The following STPG2 variants were observed in gnomAD, a reference collection of about 807,000 sequenced individuals.
STPG2 encodes sperm-tail PG-rich repeat-containing protein 2.
A neutral mutation model predicts 54.2 loss-of-function variants in STPG2; 56 were observed. That is an observed-to-expected ratio of 1.03 (90% CI 0.83 to 1.29). The LOEUF (loss-of-function observed/expected upper bound fraction) is 1.29, where lower values mean the gene tolerates loss of function less well. Among genes scored for constraint, STPG2 ranks in the 50% most tolerant of loss-of-function variants. STPG2 has a pLI of 0.00. For synonymous variants in STPG2, 200 were observed against 181.8 expected (o/e 1.10, Z -0.81); for missense variants, 596 against 544.9 (o/e 1.09, Z -0.93).
chr4:97,678,701 T>C (rs562806841), intron 10 of STPG2, among the ~76,000 whole-genome samples: 10 of 152,118 alleles, frequency 6.6e-5, no homozygotes, highest in Admixed American at 2.0e-4. Context: ...TGTATACATG[T>C]GCCATGCTGG....
intron 10 of STPG2, among the ~76,000 whole-genome samples, chr4:97,620,743 G>C (rs1367517613): frequency 6.6e-6 from 1 of 152,066 alleles, no homozygotes; most frequent in Non-Finnish European, 1.5e-5. Context: ...CATCAAGGCA[G>C]AAAATTACCA....
rs117605010 is a variant in STPG2, at chr4:97,975,650, C to G, written c.773-3210G>C. ...TATCCATCAGACTCAATATGATATA[C>G]TTAAAGAACACTTAACTTGGTTGTA... is the stretch of plus-strand genomic sequence containing the variant. On this transcript the variant is annotated intron_variant, in intron 6 of 10. Transcript: ENST00000295268. Among the ~76,000 whole-genome samples, 26 of 152,222 alleles carry G rather than the reference C, an allele frequency of 1.7e-4. No individual in the cohort carries two copies. The East Asian group carries it at 5.0e-3, about 29-fold the overall frequency.
intron 4 of STPG2, among the ~76,000 whole-genome samples, chr4:97,456,457 A>T (rs1020301733): frequency 6.6e-6 from 1 of 152,190 alleles, no homozygotes; most frequent in Admixed American, 6.5e-5. Flanking sequence ...CCTCCCACCA[A>T]GCACCAAGCA....
intron 8 of STPG2, among the ~76,000 whole-genome samples, chr4:97,924,270 G>C (rs1019003594): frequency 6.6e-6 from 1 of 152,196 alleles, no homozygotes; most frequent in Non-Finnish European, 1.5e-5. Context: ...CTTGAAGTCA[G>C]TGAGACCAAG....
chr4:98,119,068 G>C (rs1426119229), intron 3 of STPG2, among the ~76,000 whole-genome samples: 1 of 152,130 alleles, frequency 6.6e-6, no homozygotes, highest in African/African-American at 2.4e-5. Flanking sequence ...ATCATCAATA[G>C]ATGTTAAAAC....
chr4:97,676,832 A>G (rs1722866277), intron 10 of STPG2, among the ~76,000 whole-genome samples: 1 of 152,178 alleles, frequency 6.6e-6, no homozygotes. Flanking sequence ...CACTGCCACA[A>G]GGTTCTTGAA....
At chr4:98,084,992 A>ATAC (rs887330999) in intron 5 of STPG2, among the ~76,000 whole-genome samples, 1 of 152,020 alleles carries the variant, frequency 6.6e-6, no homozygotes, top group Non-Finnish European at 1.5e-5. Flanking sequence ...TTTATGGTTC[A>ATAC]TACTTTTTGT....
At chr4:97,634,067 A>G (rs1174995349) in intron 10 of STPG2, among the ~76,000 whole-genome samples, 3 of 152,200 alleles carry the variant, frequency 2.0e-5, no homozygotes, top group African/African-American at 7.2e-5. Flanking sequence ...AGACCGCAGT[A>G]ACCTCTGCAG....
chr4:97,782,690 C>T (rs1726686005), intron 9 of STPG2, among the ~76,000 whole-genome samples: 1 of 152,172 alleles, frequency 6.6e-6, no homozygotes, highest in East Asian at 1.9e-4. Flanking sequence ...TACTACAAGC[C>T]TCCAGTAACC....
rs1313574261 is a variant in STPG2 at position 98,064,244 on chromosome 4, T to C, written c.612+41709A>G. Among the ~76,000 whole-genome samples, 9 of 152,200 alleles carry C rather than the reference T, an allele frequency of 5.9e-5. No individual in the cohort carries two copies. In the South Asian group the frequency reaches 1.0e-3, roughly 17 times the overall value. ...AATTTTGCCACGAAGCTCTCTGAAATGTTCATGAAGTTACCTAATTTATTT... is the reference window on the plus strand; with the variant it reads ...AATTTTGCCACGAAGCTCTCTGAAACGTTCATGAAGTTACCTAATTTATTT... On this transcript the variant is annotated intron_variant, in intron 5 of 10. Coordinates refer to ENST00000295268, the MANE Select transcript of STPG2 (RefSeq NM_174952.3).
chr4:97,650,585 T>C (rs910443831), intron 10 of STPG2, among the ~76,000 whole-genome samples: 1 of 152,018 alleles, frequency 6.6e-6, no homozygotes, highest in African/African-American at 2.4e-5. Flanking sequence ...AAAAAGGAAA[T>C]GTTCAGGCTG....
chr4:97,889,487 A>C (rs1730689598), intron 8 of STPG2, among the ~76,000 whole-genome samples: 1 of 152,234 alleles, frequency 6.6e-6, no homozygotes, highest in Non-Finnish European at 1.5e-5. Flanking sequence ...CTATTCAGCC[A>C]TAAAAAGTAA....
chr4:98,096,271 C>A (rs189310172), intron 5 of STPG2, among the ~76,000 whole-genome samples: 240 of 152,176 alleles, frequency 1.6e-3, no homozygotes, highest in African/African-American at 5.7e-3. Flanking sequence ...GCAGCATATA[C>A]CTGTAGTCCC....
At chr4:97,607,197 A>AGCT (rs1429596247) in intron 10 of STPG2, among the ~76,000 whole-genome samples, 27 of 152,088 alleles carry the variant, frequency 1.8e-4, no homozygotes, top group Admixed American at 4.6e-4. Flanking sequence ...TGGTAAAATC[A>AGCT]GCTGCTGCTG....
At chr4:97,688,054 A>T (rs1253551224) in intron 10 of STPG2, among the ~76,000 whole-genome samples, 1 of 152,094 alleles carries the variant, frequency 6.6e-6, no homozygotes, top group Non-Finnish European at 1.5e-5. Flanking sequence ...TTATTCAAAC[A>T]CTAGGATATA....
At chr4:97,884,827 C>A (rs2149168472) in intron 8 of STPG2, among the ~76,000 whole-genome samples, 1 of 152,084 alleles carries the variant, frequency 6.6e-6, no homozygotes, top group East Asian at 1.9e-4. Flanking sequence ...AGAGGAGGAA[C>A]CTTAGTGTTA....
intron 4 of STPG2, among the ~76,000 whole-genome samples, chr4:97,487,746 A>C (rs949513812): frequency 6.6e-6 from 1 of 151,628 alleles, no homozygotes; most frequent in East Asian, 1.9e-4. Flanking sequence ...AGAATTGAAT[A>C]CTTTGGGCTA....
intron 4 of STPG2, among the ~76,000 whole-genome samples, chr4:97,447,119 C>T (rs1729242335): frequency 6.6e-6 from 1 of 152,142 alleles, no homozygotes; most frequent in Non-Finnish European, 1.5e-5. Flanking sequence ...AGACGAGGAA[C>T]TCATTGGGAA....
At chr4:97,854,071 C>T (rs554263608) in intron 8 of STPG2, among the ~76,000 whole-genome samples, 13 of 152,316 alleles carry the variant, frequency 8.5e-5, no homozygotes, top group Middle Eastern at 3.4e-3. Flanking sequence ...AGTGATCCTC[C>T]TGCCTTAGTT....
Sources: allele counts gnomAD v4.1 joint callset (sites outside exome capture counted in the v4.1 genomes callset), GRCh38; gene constraint gnomAD v4.1.1; transcripts MANE v1.5; gene names NCBI Gene and HGNC (gene_info 2026-07-23, HGNC 2026-07-21).